Variants in F13A1 observed in about 807,000 individuals in gnomAD.
F13A1 encodes the protein coagulation factor XIII A chain.
F13A1 carries 47 observed loss-of-function variants against 80.1 expected under a neutral mutation model. The observed-to-expected ratio is 0.59, with a 90% confidence interval of 0.46 to 0.75. The LOEUF is 0.75. F13A1 is among the 30% of genes least tolerant of loss of function. F13A1 has a pLI of 0.00. For missense variants in F13A1, 817 were observed against 930.4 expected, an observed-to-expected ratio of 0.88 and a Z score of 1.59; for synonymous variants, 349 against 344.9, an observed-to-expected ratio of 1.01 and a Z score of -0.13.
intron 6 of F13A1, among the ~76,000 whole-genome samples, chr6:6,226,522 G>A (rs1337425929): frequency 6.6e-6 from 1 of 152,178 alleles, no homozygotes; most frequent in Non-Finnish European, 1.5e-5. Flanking sequence ...ATTAAAACAT[G>A]GTGAGCTTTT....
chr6:6,172,271 GA>G (rs1428626552), intron 12 of F13A1, among the ~76,000 whole-genome samples: 2 of 151,862 alleles, frequency 1.3e-5, no homozygotes, highest in Non-Finnish European at 2.9e-5. Flanking sequence ...CTTACATCCA[GA>G]ATTGTCTATT....
At chr6:6,234,103 A>C (rs543809850) in intron 6 of F13A1, among the ~76,000 whole-genome samples, 1 of 152,242 alleles carries the variant, frequency 6.6e-6, no homozygotes, top group Non-Finnish European at 1.5e-5. Flanking sequence ...TAGCCAGAGC[A>C]ATAAGTTAAG....
At chr6:6,164,757 C>T (rs375937409) in intron 13 of F13A1, among the ~76,000 whole-genome samples, 1 of 149,868 alleles carries the variant, frequency 6.7e-6, no homozygotes, top group South Asian at 2.2e-4. Context: ...TTTCTCCTCT[C>T]CATCTTCCCC....
intron 13 of F13A1, among the ~76,000 whole-genome samples, chr6:6,156,087 T>A (rs1315418509): frequency 2.6e-5 from 4 of 152,234 alleles, no homozygotes; most frequent in African/African-American, 7.2e-5. Context: ...ATGTCTTACT[T>A]GGTGACGTCA....
At chr6:6,205,954 G>C (rs1298443611) in intron 8 of F13A1, among the ~76,000 whole-genome samples, 1 of 152,152 alleles carries the variant, frequency 6.6e-6, no homozygotes. Flanking sequence ...TGAAAATGAA[G>C]CCCTACCCCC....
intron 3 of F13A1, among the ~76,000 whole-genome samples, chr6:6,269,553 A>G (rs1192249354): frequency 6.6e-6 from 1 of 152,126 alleles, no homozygotes; most frequent in Non-Finnish European, 1.5e-5. Flanking sequence ...TAATTCCAGA[A>G]TCATCATGGA....
chr6:6,165,672 G>A (rs1441794197), intron 13 of F13A1, among the ~76,000 whole-genome samples: 1 of 152,232 alleles, frequency 6.6e-6, no homozygotes, highest in Non-Finnish European at 1.5e-5. Flanking sequence ...GGTCCCACAT[G>A]TCTATAGGAA....
In F13A1 at chr6:6,266,580, A is replaced by T; in HGVS notation, c.549T>A (p.Ile183=). ...TACCTTCACACCAAGGATTGAAGAGAATGTACGTGTCTGTTTCTGGGTTTC... is the reference window on the plus strand; with the variant it reads ...TACCTTCACACCAAGGATTGAAGAGTATGTACGTGTCTGTTTCTGGGTTTC... ...TSRNPETDTY[I]LFNPWCEDDA... The change falls in exon 4 of 15, where the codon ATT becomes ATA. Residue 183 remains isoleucine (I), a synonymous_variant. Transcript: ENST00000264870. 3 of 1,614,204 alleles carry T rather than the reference A, an allele frequency of 1.9e-6. No individual in the cohort carries two copies. The highest frequency in any genetic ancestry group is 2.5e-6 in the Non-Finnish European group (3 of 1,180,022).
intron 2 of F13A1, among the ~76,000 whole-genome samples, chr6:6,308,164 A>G (rs1445930063): frequency 6.6e-6 from 1 of 151,980 alleles, no homozygotes; most frequent in African/African-American, 2.4e-5. Flanking sequence ...GCAGGCACTC[A>G]CCACCATGCC....
chr6:6,218,631 G>A (rs930429895), intron 8 of F13A1, among the ~76,000 whole-genome samples: 4 of 152,148 alleles, frequency 2.6e-5, no homozygotes, highest in Non-Finnish European at 5.9e-5. Context: ...AAGGAGCTCA[G>A]ACCATGGCCT....
chr6:6,190,536 GGGGGTCA>G (rs1484776118), intron 10 of F13A1, among the ~76,000 whole-genome samples: 1 of 151,010 alleles, frequency 6.6e-6, no homozygotes, highest in Non-Finnish European at 1.5e-5. Flanking sequence ...TAGGCTGCTC[GGGGGTCA>G]GGGGTCAGGG....
At chr6:6,188,433 C>T (rs1282756268) in intron 10 of F13A1, among the ~76,000 whole-genome samples, 26 of 139,338 alleles carry the variant, frequency 1.9e-4, no homozygotes, top group African/African-American at 3.3e-4. Flanking sequence ...TCTTTGTTCT[C>T]GTTGGTTTCA....
intron 13 of F13A1, among the ~76,000 whole-genome samples, chr6:6,160,068 G>A (rs1760545339): frequency 6.6e-6 from 1 of 151,972 alleles, no homozygotes; most frequent in Non-Finnish European, 1.5e-5. Flanking sequence ...CCTGAGGTCA[G>A]GAGTTCGAGA....
chr6:6,186,565 C>T (rs901297541), intron 10 of F13A1, among the ~76,000 whole-genome samples: 1 of 152,178 alleles, frequency 6.6e-6, no homozygotes, highest in African/African-American at 2.4e-5. Context: ...GGACTCTGTT[C>T]TGTTCCATTG....
Position 6,308,487 on chromosome 6 carries a change from A to G in F13A1, c.131-2948T>C, listed in dbSNP as rs78598465. ...AAAAAAAAAAAAAAGAGACCATTACATCTTTTAAAATAAACAGTCTATTAT... is the reference window on the plus strand; with the variant it reads ...AAAAAAAAAAAAAAGAGACCATTACGTCTTTTAAAATAAACAGTCTATTAT... On this transcript the variant is annotated intron_variant, in intron 2 of 14. Coordinates refer to ENST00000264870, the MANE Select transcript of F13A1 (RefSeq NM_000129.4). Among the ~76,000 whole-genome samples, 553 of 151,204 alleles carry G rather than the reference A, an allele frequency of 3.7e-3. 4 individuals carry two copies. Among genetic ancestry groups the G allele is most frequent in the African/African-American group, 0.013 (522 of 41,316 alleles).
At chr6:6,313,738 T>G (rs1356194019) in intron 2 of F13A1, among the ~76,000 whole-genome samples, 1 of 152,206 alleles carries the variant, frequency 6.6e-6, no homozygotes, top group Non-Finnish European at 1.5e-5. Context: ...TACCCAGAAT[T>G]TTAACATGTC....
At chr6:6,189,149 C>A (rs1231752126) in intron 10 of F13A1, among the ~76,000 whole-genome samples, 50 of 80,496 alleles carry the variant, frequency 6.2e-4, no homozygotes, top group South Asian at 1.1e-3. Flanking sequence ...CTGAATACAG[C>A]ACACTGAAGG....
chr6:6,229,887 A>C (rs552357518), intron 6 of F13A1, among the ~76,000 whole-genome samples: 3 of 152,334 alleles, frequency 2.0e-5, no homozygotes, highest in Non-Finnish European at 4.4e-5. Context: ...GTGCTGGGTC[A>C]ACTTGGAGAG....
rs1336361659 is a variant in F13A1, at chr6:6,243,216, ACCACCATCACCGTCACCATCT to A, written c.798+5075_798+5095del. 1.3e-5 allele frequency among the ~76,000 whole-genome samples: 2 copies of A among 151,306 alleles called. No individual in the cohort carries two copies. Among genetic ancestry groups the A allele is most frequent in the African/African-American group, 4.9e-5 (2 of 41,130 alleles). ...CACCACCATCACTCCTACCATCACC[ACCACCATCACCGTCACCATCT>A]CCACCACCACCATCACCATCATCAT... On this transcript the variant is annotated intron_variant, in intron 6 of 14. Coordinates refer to ENST00000264870, the MANE Select transcript of F13A1 (RefSeq NM_000129.4). This position sits in a 1 kb window ranked among gnomAD's most constrained non-coding sequence, Gnocchi z 4.2.
Sources: gnomAD v4.1 joint callset for allele counts (sites outside exome capture counted in the v4.1 genomes callset) on GRCh38, gnomAD v4.1.1 for gene constraint, Gnocchi (gnomAD v3.1) non-coding constraint, MANE v1.5 for transcripts, NCBI Gene and HGNC (gene_info 2026-07-23, HGNC 2026-07-21) for gene names.